The following PCDHGA1 variants were observed in gnomAD, a reference collection of about 807,000 sequenced individuals.
PCDHGA1 encodes the protein protocadherin gamma subfamily A, 1.
In PCDHGA1, 32 loss-of-function variants were observed where a neutral mutation model predicts 58.0. That is an observed-to-expected ratio of 0.55 (90% confidence interval 0.42 to 0.74). The LOEUF is 0.74. Among genes scored for constraint, PCDHGA1 ranks in the 30% least tolerant of loss-of-function variants. PCDHGA1 has a pLI of 0.00. For missense variants in PCDHGA1, 1,205 were observed against 1,182.3 expected, an observed-to-expected ratio of 1.02 and a Z score of -0.28; for synonymous variants, 498 against 501.1, an observed-to-expected ratio of 0.99 and a Z score of 0.08.
At chr5:141,404,593 A>C in intron 1 of PCDHGA1, 1 of 1,614,080 alleles carries the variant, frequency 6.2e-7, no homozygotes, top group Non-Finnish European at 8.5e-7. Flanking sequence ...GCAATGTGTC[A>C]TTGAGACTGT....
chr5:141,389,135 T>C (rs547733890), intron 1 of PCDHGA1: 2 of 1,613,982 alleles, frequency 1.2e-6, no homozygotes, highest in Admixed American at 1.7e-5. Context: ...CAGAGTACAA[T>C]ATAACCGTTA....
At chr5:141,355,701 G>A (rs1224015926) in intron 1 of PCDHGA1, 1 of 1,613,860 alleles carries the variant, frequency 6.2e-7, no homozygotes, top group African/African-American at 1.3e-5. Flanking sequence ...TAAACTCCCT[G>A]CAGGGTTACC....
intron 1 of PCDHGA1, chr5:141,408,518 T>G: frequency 6.2e-7 from 1 of 1,614,012 alleles, no homozygotes; most frequent in Non-Finnish European, 8.5e-7. Flanking sequence ...TGAGTTGCAA[T>G]TGGAAGCTGT....
chr5:141,362,555 A>G, intron 1 of PCDHGA1: 1 of 1,612,062 alleles, frequency 6.2e-7, no homozygotes, highest in Non-Finnish European at 8.5e-7. Context: ...ACTATTTTGA[A>G]GGTGAGCTTT....
At chr5:141,393,718 C>A in intron 1 of PCDHGA1, 2 of 1,613,644 alleles carry the variant, frequency 1.2e-6, no homozygotes, top group Non-Finnish European at 1.7e-6. Flanking sequence ...GGGGAAATAT[C>A]AATAGCAAAA....
At chr5:141,441,871 G>A (rs1020432020) in intron 1 of PCDHGA1, 3 of 340,480 alleles carry the variant, frequency 8.8e-6, no homozygotes, top group Admixed American at 8.1e-5. Context: ...CGCGGAGCCT[G>A]GCTACCTGGT....
chr5:141,372,210 T>A, intron 1 of PCDHGA1: 3 of 1,613,574 alleles, frequency 1.9e-6, no homozygotes, highest in Non-Finnish European at 2.5e-6. Flanking sequence ...CTGGCTGTCC[T>A]ACCACATTGT....
At position 141,491,458 on chromosome 5, in the gene PCDHGA1, G is replaced by T. The variant is rs867069360; in HGVS notation, c.2422-3349G>T. 1.9e-6 allele frequency: 3 copies of T among 1,613,974 alleles called. No homozygotes were observed. The highest frequency in any genetic ancestry group is 1.6e-4 in the Middle Eastern group (1 of 6,084). On this transcript the variant is annotated intron_variant, in intron 1 of 3. Coordinates refer to ENST00000517417, the MANE Select transcript of PCDHGA1 (RefSeq NM_018912.3). This position sits in a 1 kb window ranked among gnomAD's most constrained non-coding sequence, Gnocchi z 6.9. ...CAGGCGCCAGGACTCACCCTCCCCGGACTTCTATAAGCAGTCCAGCCCCAA... is the reference window on the plus strand; with the variant it reads ...CAGGCGCCAGGACTCACCCTCCCCGTACTTCTATAAGCAGTCCAGCCCCAA...
At chr5:141,450,919 G>A (rs1489017891) in intron 1 of PCDHGA1, among the ~76,000 whole-genome samples, 2 of 151,024 alleles carry the variant, frequency 1.3e-5, no homozygotes, top group African/African-American at 4.9e-5. Context: ...CTGCCTCCCA[G>A]ATTCAAGCAA....
rs756476818 is a variant in PCDHGA1 at position 141,431,027 on chromosome 5, A to G, written c.2422-63780A>G. The G allele has an allele frequency of 6.2e-6, 10 of 1,614,034 alleles. No homozygotes were observed. The highest frequency in any genetic ancestry group is 1.1e-5 in the South Asian group (1 of 91,078). On this transcript the variant is annotated intron_variant, in intron 1 of 3. Coordinates refer to ENST00000517417, the MANE Select transcript of PCDHGA1 (RefSeq NM_018912.3). This position sits in a 1 kb window ranked among gnomAD's most constrained non-coding sequence, Gnocchi z 4.8. ...CGGCAGCTTGGTCACGGCGGGCAGG[A>G]TAGACCGGGAGGAGCTCTGTATGGG...
At chr5:141,351,420 C>T (rs779349797) in intron 1 of PCDHGA1, 4 of 1,611,526 alleles carry the variant, frequency 2.5e-6, no homozygotes, top group Non-Finnish European at 3.4e-6. Flanking sequence ...GAAGAAGTTC[C>T]TTTCAAATTA....
In PCDHGA1 at chr5:141,476,656, T is replaced by A. The variant is rs190269177; in HGVS notation, c.2422-18151T>A. 6.2e-7 allele frequency: 1 copy of A among 1,614,210 alleles called. No individual in the cohort carries two copies. The highest frequency in any genetic ancestry group is 1.3e-5 in the African/African-American group (1 of 75,064). ...ATGAGCTGAGCCGAAATGAATACTTTGCGCTTCGCGTGCAGACGCGGGAGG... is the reference window on the plus strand; with the variant it reads ...ATGAGCTGAGCCGAAATGAATACTTAGCGCTTCGCGTGCAGACGCGGGAGG... On this transcript the variant is annotated intron_variant, in intron 1 of 3. Coordinates refer to ENST00000517417, the MANE Select transcript of PCDHGA1 (RefSeq NM_018912.3). This position sits in a 1 kb window ranked among gnomAD's most constrained non-coding sequence, Gnocchi z 7.6.
intron 1 of PCDHGA1, chr5:141,378,088 T>C (rs1218204650): frequency 6.6e-6 from 1 of 152,252 alleles, no homozygotes; most frequent in Non-Finnish European, 1.5e-5. Flanking sequence ...TTATAACTTT[T>C]TTTCAAACTC....
rs2149992111 is a variant in PCDHGA1 at position 141,371,797 on chromosome 5, G to A, written c.2421+38692G>A. On this transcript the variant is annotated intron_variant, in intron 1 of 3. Transcript: ENST00000517417. ...CATGTAGCTGAGAACAATCCGCCTG[G>A]AGCCTCCATTGCGCATGTCAGAGCC... 1.9e-6 allele frequency: 3 copies of A among 1,613,898 alleles called. No homozygotes were observed. In the East Asian group the frequency reaches 6.7e-5, roughly 36 times the overall value.
At chr5:141,374,030 T>C (rs1023437506) in intron 1 of PCDHGA1, 4 of 1,430,336 alleles carry the variant, frequency 2.8e-6, no homozygotes, top group African/African-American at 1.4e-5. Flanking sequence ...GCAAAAGTGA[T>C]GCAGATCTGT....
At chr5:141,406,312 C>G (rs2094792276) in intron 1 of PCDHGA1, among the ~76,000 whole-genome samples, 1 of 152,028 alleles carries the variant, frequency 6.6e-6, no homozygotes, top group African/African-American at 2.4e-5. Context: ...CCACCTCACC[C>G]AGCAAATTCT....
At chr5:141,374,080 A>T in intron 1 of PCDHGA1, 1 of 1,520,068 alleles carries the variant, frequency 6.6e-7, no homozygotes. Context: ...CTAATAAGCC[A>T]GTAATGGCGC....
chr5:141,423,288 C>T, intron 1 of PCDHGA1: 1 of 1,586,414 alleles, frequency 6.3e-7, no homozygotes, highest in African/African-American at 1.3e-5. Context: ...ACTCTGAAAC[C>T]TCAGACCTCT....
At chr5:141,394,021 GA>G (rs2092902279) in intron 1 of PCDHGA1, 1 of 1,613,362 alleles carries the variant, frequency 6.2e-7, no homozygotes, top group Non-Finnish European at 8.5e-7. Context: ...AATTATTATA[GA>G]TTAGTGACAA....
Sources: gnomAD v4.1 joint callset for allele counts (sites outside exome capture counted in the v4.1 genomes callset) on GRCh38, gnomAD v4.1.1 for gene constraint, Gnocchi (gnomAD v3.1) non-coding constraint, MANE v1.5 for transcripts, NCBI Gene and HGNC (gene_info 2026-07-23, HGNC 2026-07-21) for gene names.